Variants in CEP162 observed in about 807,000 individuals in gnomAD.
CEP162 encodes centrosomal protein of 162 kDa.
CEP162 carries 141 observed loss-of-function variants against 169.2 expected under a neutral mutation model. The observed-to-expected ratio is 0.83, with a 90% CI of 0.73 to 0.96. The LOEUF (loss-of-function observed/expected upper bound fraction) is 0.96, where lower values mean the gene tolerates loss of function less well. CEP162 is among the 40% of genes least tolerant of loss of function. CEP162 has a pLI of 0.00. For synonymous variants in CEP162, 540 were observed against 526.4 expected (o/e 1.03, Z -0.35); for missense variants, 1,600 against 1,587.2 (o/e 1.01, Z -0.14).
chr6:84,161,680 G>GT, intron 20 of CEP162, 66 bp downstream of exon 20: 1 of 1,134,914 alleles, frequency 8.8e-7, no homozygotes, highest in Non-Finnish European at 1.3e-6. Flanking sequence ...AAAAGGTTAT[G>GT]TACAACAGAT....
rs906634957 is a variant in CEP162 at position 84,125,206 on chromosome 6, G to C, written c.4076C>G (p.Ala1359Gly). Reference protein sequence around the residue: ...NKEVEKWKRLAQLKNRELEKF... With the variant: ...NKEVEKWKRLGQLKNRELEKF... ...CTCCAGCTCACGATTCTTTAACTGT[G>C]CCAGTCTTTTCCATTTTTCAACTTC... is the stretch of plus-strand genomic sequence containing the variant. Residue 1359 changes from alanine (A) to glycine (G), a missense_variant, in exon 27 of 27, where the codon GCA (alanine) becomes GGA (glycine). Ala to Gly is a moderately conservative substitution (Grantham distance 60, BLOSUM62 0). Transcript: ENST00000403245. The C allele has an allele frequency of 1.2e-6, 2 of 1,613,452 alleles. No homozygotes were observed. Among genetic ancestry groups the C allele is most frequent in the Non-Finnish European group, 1.7e-6 (2 of 1,179,676 alleles).
intron 6 of CEP162, among the ~76,000 whole-genome samples, chr6:84,205,159 G>T (rs545322216): frequency 9.9e-4 from 150 of 152,262 alleles, no homozygotes; most frequent in African/African-American, 3.5e-3. Flanking sequence ...AGAGGAGCTG[G>T]TACCATTTCT....
intron 8 of CEP162, 124 bp downstream of exon 8, chr6:84,201,613 A>G: frequency 1.7e-6 from 1 of 587,962 alleles, no homozygotes; most frequent in South Asian, 2.0e-5. Context: ...AAAAGCTAGG[A>G]ACTTCAATGC....
At chr6:84,195,534 G>A (rs1454046636) in intron 9 of CEP162, among the ~76,000 whole-genome samples, 1 of 152,162 alleles carries the variant, frequency 6.6e-6, no homozygotes, top group African/African-American at 2.4e-5. Context: ...AAGCTGCTAT[G>A]ATCAAAAGCA....
Position 84,194,840 on chromosome 6 carries a change from GA to G in CEP162, c.1027+43del, listed in dbSNP as rs773879482. 2.7e-5 allele frequency: 36 copies of G among 1,332,216 alleles called. No homozygotes were observed. In the African/African-American group the frequency reaches 4.1e-4, roughly 15 times the overall value. 82.5% of individuals were successfully genotyped at this position (1,332,216 alleles called of 1,614,324 possible). A position where few individuals can be genotyped will look rare whatever the true frequency, so the allele number is the denominator to read the frequency against. The stretch of plus-strand genomic sequence containing the variant: ...ATTATATTACACTAAAAACTCTTTA[GA>G]AAGGATATCAAATAATTGAAAAATT... On this transcript the variant is annotated intron_variant, in intron 10 of 26. Coordinates refer to ENST00000403245, the MANE Select transcript of CEP162 (RefSeq NM_014895.4).
intron 19 of CEP162, among the ~76,000 whole-genome samples, chr6:84,162,698 A>G (rs2099526263): frequency 6.6e-6 from 1 of 152,144 alleles, no homozygotes; most frequent in Admixed American, 6.6e-5. Flanking sequence ...TTCTTACATT[A>G]TGAGTATTCT....
intron 13 of CEP162, among the ~76,000 whole-genome samples, chr6:84,181,081 T>C (rs2099534614): frequency 6.6e-6 from 1 of 152,200 alleles, no homozygotes; most frequent in South Asian, 2.1e-4. Flanking sequence ...CCTGGAGGCA[T>C]CATGCTACCT....
At chr6:84,139,933 G>GCTGGTGTGTTCACGGTTCTCATCAGA (rs2099515843) in intron 25 of CEP162, among the ~76,000 whole-genome samples, 1 of 151,142 alleles carries the variant, frequency 6.6e-6, no homozygotes, top group African/African-American at 2.5e-5. Context: ...ACCCTCTCAG[G>GCTGGTGTGTTCACGGTTCTCATCAGA]CTGGTGTGTT....
chr6:84,153,955 G>C (rs1159422967), intron 22 of CEP162, among the ~76,000 whole-genome samples: 5 of 152,096 alleles, frequency 3.3e-5, no homozygotes, highest in African/African-American at 1.2e-4. Flanking sequence ...ACAGAAGGTG[G>C]GAAGACTGCA....
chr6:84,178,112 C>T (rs56032586), intron 13 of CEP162, among the ~76,000 whole-genome samples: 1 of 152,012 alleles, frequency 6.6e-6, no homozygotes, highest in Non-Finnish European at 1.5e-5. Flanking sequence ...TACTGCCAAA[C>T]TTTTTATTAC....
intron 13 of CEP162, among the ~76,000 whole-genome samples, chr6:84,178,909 T>G (rs1364585292): frequency 6.6e-6 from 1 of 151,996 alleles, no homozygotes; most frequent in Non-Finnish European, 1.5e-5. Flanking sequence ...GAACATGCAG[T>G]GTTTGGTTTT....
intron 10 of CEP162, among the ~76,000 whole-genome samples, chr6:84,194,367 A>AG (rs60860082): frequency 7.0e-6 from 1 of 142,896 alleles, no homozygotes; most frequent in Non-Finnish European, 1.6e-5. Flanking sequence ...AAAAAAAAAA[A>AG]GAAAAGAAAA....
intron 6 of CEP162, among the ~76,000 whole-genome samples, chr6:84,212,537 GAA>G (rs1400516853): frequency 8.6e-5 from 13 of 151,452 alleles, no homozygotes; most frequent in Non-Finnish European, 4.4e-5. Context: ...ATACAACAAA[GAA>G]GAATAGCTAA....
At chr6:84,189,206 G>A (rs2099538587) in intron 11 of CEP162, among the ~76,000 whole-genome samples, 3 of 148,150 alleles carry the variant, frequency 2.0e-5, no homozygotes, top group African/African-American at 8.0e-5. Flanking sequence ...ACAGCATGCT[G>A]GCAGTTCTCA....
At chr6:84,184,976 A>T (rs76099489) in intron 13 of CEP162, among the ~76,000 whole-genome samples, 7,259 of 151,964 alleles carry the variant, frequency 0.048, 256 homozygotes, top group South Asian at 0.089. Flanking sequence ...CAAAAATCTT[A>T]GCAACCCAAA....
At chr6:84,207,682 G>A (rs954103780) in intron 6 of CEP162, among the ~76,000 whole-genome samples, 11 of 151,598 alleles carry the variant, frequency 7.3e-5, no homozygotes, top group African/African-American at 2.2e-4. Flanking sequence ...AAACCTGCAC[G>A]TTGTGCACAT....
intron 18 of CEP162, among the ~76,000 whole-genome samples, chr6:84,164,936 C>T (rs1184448417): frequency 6.6e-6 from 1 of 152,058 alleles, no homozygotes; most frequent in Non-Finnish European, 1.5e-5. Flanking sequence ...AAGTCCTTAC[C>T]ATGACCTTTA....
chr6:84,161,692 T>A (rs2099525843), intron 20 of CEP162, 54 bp downstream of exon 20: 1 of 1,242,400 alleles, frequency 8.0e-7, no homozygotes, highest in Non-Finnish European at 1.1e-6. Context: ...ACAACAGATA[T>A]TACGGACAAA....
At chr6:84,169,791 C>A (rs2129216112) in intron 17 of CEP162, among the ~76,000 whole-genome samples, 1 of 152,264 alleles carries the variant, frequency 6.6e-6, no homozygotes, top group East Asian at 1.9e-4. Flanking sequence ...GTTCTAGAAT[C>A]TTTTCTGAGA....
Sources: gnomAD v4.1 joint callset for allele counts (sites outside exome capture counted in the v4.1 genomes callset) on GRCh38, gnomAD v4.1.1 for gene constraint, MANE v1.5 for transcripts, NCBI Gene and HGNC (gene_info 2026-07-23, HGNC 2026-07-21) for gene names.